CYREN: variants seen among roughly 807,000 people sequenced by gnomAD.
The protein encoded by CYREN is cell cycle regulator of non-homologous end joining.
A neutral mutation model predicts 9.7 loss-of-function variants in CYREN; 7 were observed. The observed-to-expected ratio is 0.72, with a 90% CI of 0.41 to 1.36. The LOEUF is 1.36. Among genes scored for constraint, CYREN ranks in the 40% most tolerant of loss-of-function variants. The pLI is 0.01. For synonymous variants in CYREN, 76 were observed against 77.9 expected (o/e 0.98, Z 0.13); for missense variants, 215 against 198.1 (o/e 1.09, Z -0.51).
intron 2 of CYREN, among the ~76,000 whole-genome samples, chr7:135,125,122 TA>T (rs1177619246): frequency 2.6e-5 from 4 of 151,566 alleles, no homozygotes; most frequent in African/African-American, 9.7e-5. Context: ...GCTGTTTTTT[TA>T]AAAAAATTAA....
At chr7:135,101,464 A>G (rs887081849) in intron 2 of CYREN, among the ~76,000 whole-genome samples, 3 of 152,174 alleles carry the variant, frequency 2.0e-5, no homozygotes, top group African/African-American at 7.2e-5. Flanking sequence ...TGAGTTGAAT[A>G]TAGAAGGAAA....
chr7:135,143,461 CA>C (rs1829488694), intron 2 of CYREN, among the ~76,000 whole-genome samples: 1 of 152,060 alleles, frequency 6.6e-6, no homozygotes, highest in African/African-American at 2.4e-5. Context: ...ATTGCCTTCA[CA>C]AAAATTAACT....
At position 135,131,763 on chromosome 7, in the gene CYREN, T is replaced by C. The variant is rs148016578; in HGVS notation, n.356+36986A>G. Among the ~76,000 whole-genome samples the C allele has an allele frequency of 7.0e-3, 1,068 of 152,112 alleles. 15 individuals carry two copies. Among genetic ancestry groups the C allele is most frequent in the African/African-American group, 0.025 (1,018 of 41,530 alleles). ...CACAGAAAATCAGTGAAACAACTGG[T>C]TGTTTGAACAGATCAATAAAATTGA... is the stretch of plus-strand genomic sequence containing the variant. On this transcript the variant is annotated intron_variant and non_coding_transcript_variant, in intron 2 of 2. Transcript: ENST00000459937.
Position 135,168,873 on chromosome 7 carries a change from A to G in CYREN, c.50T>C (p.Leu17Pro), listed in dbSNP as rs369731450. 2 of 1,613,910 alleles carry G rather than the reference A, an allele frequency of 1.2e-6. No homozygotes were observed. Among genetic ancestry groups the G allele is most frequent in the Non-Finnish European group, 1.7e-6 (2 of 1,179,892 alleles). Residue 17 changes from leucine (L) to proline (P), a missense_variant, in exon 2 of 4, where the codon CTG becomes CCG. By Grantham distance (98) the Leu-to-Pro change is moderately conservative. Coordinates refer to ENST00000393114, the MANE Select transcript of CYREN (RefSeq NM_024033.4). ...ETKTRVLPSW[L>P]TAQVATKNVA... The stretch of plus-strand genomic sequence containing the variant: ...ATTCTTTGTAGCCACCTGGGCTGTC[A>G]GCCATGAGGGAAGGACCCTCGTTTT...
Position 135,148,628 on chromosome 7 carries a change from T to C in CYREN, n.356+20121A>G, listed in dbSNP as rs542322631. On this transcript the variant is annotated intron_variant and non_coding_transcript_variant, in intron 2 of 2. Transcript: ENST00000459937. ...GGCTGTGGCTTGTGCAATACACTGT[T>C]CATCAGAAATAGGTAAACAAAAGCA... Among the ~76,000 whole-genome samples the C allele has an allele frequency of 2.0e-5, 3 of 152,330 alleles. No homozygotes were observed. The East Asian group carries it at 5.8e-4, about 29-fold the overall frequency.
chr7:135,128,291 C>CAAA (rs61217008), intron 2 of CYREN, among the ~76,000 whole-genome samples: 4 of 58,070 alleles, frequency 6.9e-5, no homozygotes, highest in African/African-American at 2.4e-4. Flanking sequence ...GACTCCATCT[C>CAAA]AAAAAAAAAA....
chr7:135,166,511 G>A lies in CYREN; in HGVS notation c.*100C>T, dbSNP rs1830144829. The A allele has an allele frequency of 6.7e-7, 1 of 1,498,956 alleles. No homozygotes were observed. The highest frequency in any genetic ancestry group is 1.4e-5 in the African/African-American group (1 of 71,760). 92.9% of individuals were successfully genotyped at this position (1,498,956 alleles called of 1,614,324 possible). ...AAGAAGGCACAAAGGTAGGAGCACA[G>A]AGAGCCCCATTCCCACAGGCGGGCG... On this transcript the variant is annotated 3_prime_UTR_variant, in exon 4 of 4. Coordinates refer to ENST00000393114, the MANE Select transcript of CYREN (RefSeq NM_024033.4).
chr7:135,130,803 T>C (rs1023656873), intron 2 of CYREN, among the ~76,000 whole-genome samples: 4 of 152,202 alleles, frequency 2.6e-5, no homozygotes, highest in Non-Finnish European at 4.4e-5. Flanking sequence ...TACTCTTTTT[T>C]TGCAACAGCA....
intron 2 of CYREN, among the ~76,000 whole-genome samples, chr7:135,124,161 A>G (rs1025813966): frequency 5.3e-5 from 8 of 152,154 alleles, no homozygotes; most frequent in Admixed American, 4.6e-4. Flanking sequence ...CTTATGTGCA[A>G]AGACACACAT....
chr7:135,093,463 C>T (rs1052210027), exon 3 of CYREN: 6 of 151,990 alleles, frequency 3.9e-5, no homozygotes, highest in African/African-American at 1.2e-4. Context: ...TATACACTAG[C>T]AATGAACATT....
downstream of CYREN, chr7:135,165,150 G>GGGGCAGCAA (rs1830061443): frequency 1.2e-6 from 1 of 839,678 alleles, no homozygotes; most frequent in Admixed American, 3.0e-5. Context: ...AAGAGGCCGA[G>GGGGCAGCAA]GGGCAGCAAG....
At chr7:135,136,702 A>G (rs1452142725) in intron 2 of CYREN, among the ~76,000 whole-genome samples, 1 of 152,050 alleles carries the variant, frequency 6.6e-6, no homozygotes, top group South Asian at 2.1e-4. Context: ...ACAAAAGCCT[A>G]AACTCTGGGA....
chr7:135,167,946 T>G, intron 2 of CYREN, 139 bp from the exon 3 acceptor site: 1 of 1,417,246 alleles, frequency 7.1e-7, no homozygotes, highest in Non-Finnish European at 9.5e-7. Context: ...TGAGGAGCTT[T>G]CTGACACGGA....
Position 135,116,961 on chromosome 7 carries a change from A to G in CYREN, n.357-22379T>C, listed in dbSNP as rs77660732. On this transcript the variant is annotated intron_variant and non_coding_transcript_variant, in intron 2 of 2. Coordinates refer to the CYREN transcript ENST00000459937. ...CTCCAAGTCTTGGATATATGAGGCAAAAAGAAAACCCAGGAGACACCATTG... is the reference window on the plus strand; with the variant it reads ...CTCCAAGTCTTGGATATATGAGGCAGAAAGAAAACCCAGGAGACACCATTG... Among the ~76,000 whole-genome samples, 395 of 152,330 alleles carry G rather than the reference A, an allele frequency of 2.6e-3. 4 individuals carry two copies. Among genetic ancestry groups the G allele is most frequent in the Non-Finnish European group, 3.1e-3 (210 of 68,034 alleles).
At chr7:135,112,399 T>C (rs923545386) in intron 2 of CYREN, among the ~76,000 whole-genome samples, 2 of 152,214 alleles carry the variant, frequency 1.3e-5, no homozygotes, top group African/African-American at 2.4e-5. Context: ...ATCTCAAAAG[T>C]GTTATTGCAA....
chr7:135,108,995 G>T (rs1825197794), intron 2 of CYREN, among the ~76,000 whole-genome samples: 1 of 152,178 alleles, frequency 6.6e-6, no homozygotes, highest in African/African-American at 2.4e-5. Context: ...ACTTAGGGTT[G>T]TGTTGTGAAA....
At chr7:135,106,438 T>C (rs991386768) in intron 2 of CYREN, among the ~76,000 whole-genome samples, 3 of 152,266 alleles carry the variant, frequency 2.0e-5, no homozygotes, top group Non-Finnish European at 4.4e-5. Context: ...TGTTGAATTT[T>C]ATCAAAAGCC....
chr7:135,110,915 C>T (rs1274985070), intron 2 of CYREN, among the ~76,000 whole-genome samples: 1 of 152,174 alleles, frequency 6.6e-6, no homozygotes, highest in Non-Finnish European at 1.5e-5. Flanking sequence ...GATTACAGAG[C>T]CCTGCTGGAG....
chr7:135,155,018 T>C (rs1458094006), intron 2 of CYREN, among the ~76,000 whole-genome samples: 1 of 152,228 alleles, frequency 6.6e-6, no homozygotes, highest in South Asian at 2.1e-4. Context: ...GGTGCTTCAA[T>C]GTTGGGTACA....
Sources: allele counts gnomAD v4.1 joint callset (sites outside exome capture counted in the v4.1 genomes callset), GRCh38; gene constraint gnomAD v4.1.1; transcripts MANE v1.5; gene names NCBI Gene and HGNC (gene_info 2026-07-23, HGNC 2026-07-21).